Variants in NLRP1 observed in about 807,000 individuals in gnomAD.
NLRP1 encodes the protein NACHT, LRR and PYD domains-containing protein 1.
Under a neutral mutation model 136.7 loss-of-function variants are expected in NLRP1, and 94 were observed. That is an observed-to-expected ratio of 0.69 (90% CI 0.58 to 0.82). The LOEUF is 0.82. Among genes scored for constraint, NLRP1 ranks in the 40% least tolerant of loss-of-function variants. NLRP1 has a pLI of 0.00. For synonymous variants in NLRP1, 690 were observed against 725.1 expected, an observed-to-expected ratio of 0.95 and a Z score of 0.78; for missense variants, 1,575 against 1,802.7, an observed-to-expected ratio of 0.87 and a Z score of 2.29.
chr17:5,582,200 G>C, intron 2 of NLRP1, 138 bp from the exon 3 acceptor site: 1 of 761,492 alleles, frequency 1.3e-6, no homozygotes, highest in Non-Finnish European at 2.1e-6. Context: ...AAGTAGAGGG[G>C]CAATTTTATT....
At chr17:5,546,718 A>G (rs1381191893) in intron 5 of NLRP1, among the ~76,000 whole-genome samples, 1 of 152,208 alleles carries the variant, frequency 6.6e-6, no homozygotes, top group Non-Finnish European at 1.5e-5. Context: ...ACATACAAAG[A>G]AAGAATAAAT....
chr17:5,572,018 C>A (rs542420426), intron 3 of NLRP1, among the ~76,000 whole-genome samples: 7 of 152,136 alleles, frequency 4.6e-5, no homozygotes, highest in East Asian at 1.9e-4. Context: ...CTATTCAATA[C>A]GTGATGCTGA....
intron 3 of NLRP1, among the ~76,000 whole-genome samples, chr17:5,562,784 C>CT (rs1914905524): frequency 6.6e-6 from 1 of 152,244 alleles, no homozygotes; most frequent in Non-Finnish European, 1.5e-5. Context: ...TGCCATGCCA[C>CT]TGTGGCTGGT....
At position 5,521,539 on chromosome 17, in the gene NLRP1, G is replaced by A. The variant is rs556315689; in HGVS notation, c.3768C>T (p.Asp1256=). The A allele has an allele frequency of 1.9e-6, 3 of 1,613,892 alleles. No individual in the cohort carries two copies. Among genetic ancestry groups the A allele is most frequent in the Admixed American group, 1.7e-5 (1 of 60,024 alleles). ...VTFHLYLIPS[D]CSIRKAIDDL... ...TTAGTGTCACCTTCCGAATGGAGCA[G>A]TCACTTGGGATCAGGTAGAGGTGGA... Residue 1256 remains aspartate, a synonymous_variant, in exon 13 of 17, where the codon GAC becomes GAT. Transcript: ENST00000572272.
intron 5 of NLRP1, among the ~76,000 whole-genome samples, chr17:5,546,361 C>T (rs902094392): frequency 5.9e-5 from 9 of 152,188 alleles, no homozygotes; most frequent in African/African-American, 1.7e-4. Context: ...TCCACCTCTC[C>T]GTCCTCAGCT....
intron 8 of NLRP1, among the ~76,000 whole-genome samples, chr17:5,536,154 T>G (rs1478640052): frequency 6.6e-6 from 1 of 152,056 alleles, no homozygotes; most frequent in Non-Finnish European, 1.5e-5. Context: ...CTTGTTCTTT[T>G]TTTTTTCTTT....
chr17:5,517,352 C>CA lies in NLRP1; in HGVS notation c.4057+393_4057+394insT, dbSNP rs1339153102. Among the ~76,000 whole-genome samples the CA allele has an allele frequency of 2.0e-3, 139 of 70,420 alleles. 11 individuals are homozygous for CA. The highest frequency in any genetic ancestry group is 3.3e-3 in the Non-Finnish European group (102 of 30,816). 46.2% of individuals were successfully genotyped at this position (70,420 alleles called of 152,430 possible). The stretch of plus-strand genomic sequence containing the variant: ...TAAACTGTGATAGTGCACTCTGCAC[C>CA]CCCCCCCCTCCCACATACACAGACT... On this transcript the variant is annotated intron_variant, in intron 15 of 16. Coordinates refer to ENST00000572272, the MANE Select transcript of NLRP1 (RefSeq NM_033004.4).
In NLRP1 at chr17:5,541,825, T is replaced by C. The variant is rs201434654; in HGVS notation, c.2699+32A>G. 82 of 1,609,272 alleles carry C rather than the reference T, an allele frequency of 5.1e-5. No individual in the cohort carries two copies. The highest frequency in any genetic ancestry group is 6.7e-5 in the Non-Finnish European group (79 of 1,177,152). On this transcript the variant is annotated intron_variant, in intron 6 of 16. Coordinates refer to ENST00000572272, the MANE Select transcript of NLRP1 (RefSeq NM_033004.4). This position sits in a 1 kb window ranked among gnomAD's most constrained non-coding sequence, Gnocchi z 4.2. ...TGCCTCATGGTGGCAGGCAGTTCCC[T>C]CCACCTCCCCCTGCCCACCAAGAAC...
Position 5,541,356 on chromosome 17 carries a change from T to C in NLRP1, c.2699+501A>G, listed in dbSNP as rs1216426958. ...CCAGGGCGCCTCACTTGTTTCTACATGGTGGCGGGGGGGATGGCTCTGTCC... is the reference window on the plus strand; with the variant it reads ...CCAGGGCGCCTCACTTGTTTCTACACGGTGGCGGGGGGGATGGCTCTGTCC... On this transcript the variant is annotated intron_variant, in intron 6 of 16. Coordinates refer to ENST00000572272, the MANE Select transcript of NLRP1 (RefSeq NM_033004.4). This position sits in a 1 kb window ranked among gnomAD's most constrained non-coding sequence, Gnocchi z 4.2. Among the ~76,000 whole-genome samples the C allele has an allele frequency of 6.6e-6, 1 of 152,112 alleles. No homozygotes were observed. Among genetic ancestry groups the C allele is most frequent in the Admixed American group, 6.6e-5 (1 of 15,266 alleles).
chr17:5,508,943 A>C (rs1233073473), intron 15 of NLRP1, among the ~76,000 whole-genome samples: 1 of 152,220 alleles, frequency 6.6e-6, no homozygotes, highest in Non-Finnish European at 1.5e-5. Flanking sequence ...AACAAGGCCA[A>C]AAAAATCTAA....
chr17:5,573,404 A>G (rs975308135), intron 3 of NLRP1, among the ~76,000 whole-genome samples: 1 of 152,224 alleles, frequency 6.6e-6, no homozygotes, highest in Admixed American at 6.5e-5. Flanking sequence ...GGCATAGCCA[A>G]ACAAAAGGCA....
chr17:5,523,362 G>T (rs1413474552), intron 12 of NLRP1, among the ~76,000 whole-genome samples: 1 of 152,070 alleles, frequency 6.6e-6, no homozygotes. Context: ...GGGCAGGAGG[G>T]TCCTACAGTA....
At chr17:5,517,563 C>G (rs1416802036) in intron 15 of NLRP1, among the ~76,000 whole-genome samples, 183 bp downstream of exon 15, 8 of 152,050 alleles carry the variant, frequency 5.3e-5, no homozygotes, top group African/African-American at 1.9e-4. Context: ...AATTTTTGTA[C>G]TTTTGGTAGA....
intron 3 of NLRP1, among the ~76,000 whole-genome samples, chr17:5,563,116 A>C (rs531958223): frequency 7.4e-4 from 113 of 152,208 alleles, no homozygotes; most frequent in African/African-American, 2.6e-3. Context: ...AACAAAAAAA[A>C]CCCCATCCAA....
chr17:5,526,813 C>T (rs1909610144), intron 12 of NLRP1, among the ~76,000 whole-genome samples: 1 of 152,206 alleles, frequency 6.6e-6, no homozygotes, highest in Non-Finnish European at 1.5e-5. Flanking sequence ...TGGAGCTGGT[C>T]CTGCAGGAGG....
At chr17:5,530,752 G>T in intron 11 of NLRP1, 48 bp from the exon 12 acceptor site, 1 of 1,466,634 alleles carries the variant, frequency 6.8e-7, no homozygotes, top group Non-Finnish European at 9.5e-7. Flanking sequence ...AACTCACTGA[G>T]CACCTGCTGG....
rs1555547000 is a variant in NLRP1, at chr17:5,556,161, C to CATAT, written c.2357+2177_2357+2178insATAT. Among the ~76,000 whole-genome samples the CATAT allele has an allele frequency of 3.5e-3, 413 of 118,404 alleles. 5 individuals are homozygous for CATAT. Among genetic ancestry groups the CATAT allele is most frequent in the Middle Eastern group, 0.011 (2 of 186 alleles). The allele number at this position is 118,404 out of a possible 152,430, so 77.7% of individuals were successfully genotyped here. ...ACACACACACACACACACACACACA[C>CATAT]ATGAAGGGCTGGGCATGGTGGCTCA... On this transcript the variant is annotated intron_variant, in intron 4 of 16. Transcript: ENST00000572272.
At chr17:5,518,083 C>A in intron 14 of NLRP1, 196 bp from the exon 15 acceptor site, 2 of 567,640 alleles carry the variant, frequency 3.5e-6, no homozygotes, top group Non-Finnish European at 6.3e-6. Flanking sequence ...GAGTACCTCA[C>A]GGGTAAGTCA....
Position 5,537,066 on chromosome 17 carries a change from C to T in NLRP1, c.2871-126G>A. The T allele has an allele frequency of 1.5e-6, 1 of 670,456 alleles. No individual in the cohort carries two copies. Among genetic ancestry groups the T allele is most frequent in the Non-Finnish European group, 2.7e-6 (1 of 368,062 alleles). The allele number at this position is 670,456 out of a possible 1,614,324, so 41.5% of individuals were successfully genotyped here. On this transcript the variant is annotated intron_variant, in intron 7 of 16. Coordinates refer to ENST00000572272, the MANE Select transcript of NLRP1 (RefSeq NM_033004.4). The surrounding 1 kb of genome is among the most constrained non-coding windows in gnomAD (Gnocchi z 4.5). ...GCCGCAGGGTGGGTTCCCTGGAAGC[C>T]AGGCTCTGAGGAGGAGGGTACAGTG... is the stretch of plus-strand genomic sequence containing the variant.
Sources: allele counts gnomAD v4.1 joint callset (sites outside exome capture counted in the v4.1 genomes callset), GRCh38; gene constraint gnomAD v4.1.1; non-coding constraint Gnocchi (gnomAD v3.1); transcripts MANE v1.5; gene names NCBI Gene and HGNC (gene_info 2026-07-23, HGNC 2026-07-21).